The following BICC1 variants were observed in gnomAD, a reference collection of about 807,000 sequenced individuals.
BICC1 encodes the protein protein bicaudal C homolog 1.
BICC1 carries 43 observed loss-of-function variants against 111.0 expected under a neutral mutation model. The observed-to-expected ratio is 0.39, with a 90% confidence interval of 0.30 to 0.50. The LOEUF is 0.50. BICC1 is among the 20% of genes least tolerant of loss of function. BICC1 has a pLI of 0.88. For missense variants in BICC1, 1,091 were observed against 1,203.2 expected, an observed-to-expected ratio of 0.91 and a Z score of 1.38; for synonymous variants, 467 against 434.4, an observed-to-expected ratio of 1.07 and a Z score of -0.93.
intron 1 of BICC1, among the ~76,000 whole-genome samples, chr10:58,526,291 G>A (rs1842540657): frequency 6.6e-6 from 1 of 151,906 alleles, no homozygotes; most frequent in Non-Finnish European, 1.5e-5. Flanking sequence ...TTTCCAATTA[G>A]GGTTGTTGTA....
chr10:58,646,857 G>A (rs991749268), intron 2 of BICC1, among the ~76,000 whole-genome samples: 1 of 152,010 alleles, frequency 6.6e-6, no homozygotes, highest in Non-Finnish European at 1.5e-5. Flanking sequence ...AAATACAACA[G>A]AAGGTATTTC....
chr10:58,789,989 A>G lies in BICC1; in HGVS notation c.1047+56A>G, dbSNP rs936041524. On this transcript the variant is annotated intron_variant, in intron 8 of 20. Transcript: ENST00000373886. ...TTTTAAACCTCTTTGGATTCAGTGCATGTTTTTCCATCCACTGTACTAATG... is the reference window on the plus strand; with the variant it reads ...TTTTAAACCTCTTTGGATTCAGTGCGTGTTTTTCCATCCACTGTACTAATG... The G allele has an allele frequency of 6.4e-6, 10 of 1,571,568 alleles. No individual in the cohort carries two copies. In the African/African-American group the frequency reaches 8.1e-5, roughly 13 times the overall value.
intron 1 of BICC1, among the ~76,000 whole-genome samples, chr10:58,599,164 G>T (rs960419369): frequency 6.6e-6 from 1 of 152,160 alleles, no homozygotes; most frequent in Non-Finnish European, 1.5e-5. Flanking sequence ...ATACCCAGAG[G>T]ATTATAAATC....
Position 58,817,825 on chromosome 10 carries a change from C to T in BICC1, c.2694+103C>T, listed in dbSNP as rs1844142983. 7 of 1,186,044 alleles carry T rather than the reference C, an allele frequency of 5.9e-6. No homozygotes were observed. The South Asian group carries it at 1.1e-4, about 19-fold the overall frequency. 73.5% of individuals were successfully genotyped at this position (1,186,044 alleles called of 1,614,324 possible). On this transcript the variant is annotated intron_variant, in intron 19 of 20. Transcript: ENST00000373886. ...GACCTATGAGTATGCTTTCACTGAG[C>T]ATTTATTCAAGTCTCATAGCTTGTC... is the stretch of plus-strand genomic sequence containing the variant.
intron 18 of BICC1, among the ~76,000 whole-genome samples, chr10:58,817,343 G>A (rs1263004340): frequency 2.0e-5 from 3 of 152,118 alleles, no homozygotes; most frequent in African/African-American, 7.2e-5. Flanking sequence ...TGCCTCCCAA[G>A]TGTAACCTTT....
At chr10:58,726,658 C>T (rs1009609416) in intron 3 of BICC1, among the ~76,000 whole-genome samples, 5 of 152,186 alleles carry the variant, frequency 3.3e-5, no homozygotes, top group Non-Finnish European at 7.3e-5. Flanking sequence ...GCTGTTAGGC[C>T]TCCATCCATC....
chr10:58,767,922 A>C (rs1425753935), intron 3 of BICC1, among the ~76,000 whole-genome samples: 1 of 152,080 alleles, frequency 6.6e-6, no homozygotes, highest in Non-Finnish European at 1.5e-5. Context: ...CTAGTCAGAG[A>C]AGGAAAAAGA....
At chr10:58,610,356 A>G (rs772599704) in intron 1 of BICC1, among the ~76,000 whole-genome samples, 6 of 152,140 alleles carry the variant, frequency 3.9e-5, no homozygotes, top group Non-Finnish European at 7.4e-5. Context: ...AAGATTTTAC[A>G]TGTGAAAAAA....
Position 58,800,947 on chromosome 10 carries a change from A to G in BICC1, c.1916A>G (p.Asn639Ser). The G allele has an allele frequency of 4.3e-6, 7 of 1,610,544 alleles. No homozygotes were observed. Among genetic ancestry groups the G allele is most frequent in the Non-Finnish European group, 5.1e-6 (6 of 1,178,278 alleles). ...GMPRSPSHSG[N>S]AGDLKQMMCP... is the part of the protein sequence containing the mutation. Reference sequence around the variant, plus strand: ...CCTCGAAGTCCTTCCCATTCTGGGAATGCTGGTGACTTGAAACAGATGATG... The same window carrying G: ...CCTCGAAGTCCTTCCCATTCTGGGAGTGCTGGTGACTTGAAACAGATGATG... Residue 639 changes from asparagine (N) to serine (S), a missense_variant, in exon 14 of 21, where the codon AAT becomes AGT. Physicochemically the swap from Asn to Ser is conservative, Grantham distance 46. Around this residue, in one of 3 missense-constraint regions of BICC1, gnomAD observed 843 missense variants for 900.8 expected, o/e 0.94. Coordinates refer to ENST00000373886, the MANE Select transcript of BICC1 (RefSeq NM_001080512.3).
chr10:58,784,765 A>G (rs1842965287), intron 3 of BICC1, among the ~76,000 whole-genome samples: 1 of 152,172 alleles, frequency 6.6e-6, no homozygotes, highest in Non-Finnish European at 1.5e-5. Flanking sequence ...GTAAATTTAA[A>G]TGGTTTAGCC....
At chr10:58,691,855 ATTTAGGACTTAC>A (rs1314844990) in intron 2 of BICC1, among the ~76,000 whole-genome samples, 2 of 152,092 alleles carry the variant, frequency 1.3e-5, no homozygotes, top group African/African-American at 4.8e-5. Flanking sequence ...CCTGCCAGTG[ATTTAGGACTTAC>A]TTTCATCTAA....
intron 3 of BICC1, among the ~76,000 whole-genome samples, chr10:58,753,607 T>A (rs1300218010): frequency 1.3e-5 from 2 of 152,174 alleles, no homozygotes; most frequent in Admixed American, 1.3e-4. Flanking sequence ...TCTCACAGGC[T>A]TATGATGCCA....
At chr10:58,622,331 C>T (rs370782568) in intron 2 of BICC1, among the ~76,000 whole-genome samples, 14 of 152,170 alleles carry the variant, frequency 9.2e-5, no homozygotes, top group Admixed American at 7.9e-4. Context: ...AACAGATGCT[C>T]CACCTTTGTG....
chr10:58,763,019 C>T (rs752127975), intron 3 of BICC1, among the ~76,000 whole-genome samples: 1 of 151,552 alleles, frequency 6.6e-6, no homozygotes, highest in Non-Finnish European at 1.5e-5. Context: ...GTTTTAAGGC[C>T]CTGTGATATA....
chr10:58,820,906 C>A (rs555575653), intron 20 of BICC1, among the ~76,000 whole-genome samples: 2 of 152,256 alleles, frequency 1.3e-5, no homozygotes, highest in Admixed American at 1.3e-4. Context: ...CTGGTTGAAT[C>A]TGGCAGTGTT....
intron 19 of BICC1, among the ~76,000 whole-genome samples, chr10:58,819,681 C>A (rs1844198443): frequency 6.6e-6 from 1 of 152,112 alleles, no homozygotes; most frequent in African/African-American, 2.4e-5. Context: ...GTATTGTCAA[C>A]CCTCTGTGCC....
In BICC1 at chr10:58,793,468, T is replaced by C. The variant is rs1402880004; in HGVS notation, c.1048-16T>C. The C allele has an allele frequency of 1.9e-6, 3 of 1,605,878 alleles. No individual in the cohort carries two copies. The highest frequency in any genetic ancestry group is 1.1e-5 in the South Asian group (1 of 89,938). On this transcript the variant is annotated splice_polypyrimidine_tract_variant and intron_variant, in intron 8 of 20. Coordinates refer to ENST00000373886, the MANE Select transcript of BICC1 (RefSeq NM_001080512.3). ...AAATTTTTACCTCCTACACATTCTA[T>C]TGTGACATTTTCTAGGGTTGTCTTC...
intron 1 of BICC1, among the ~76,000 whole-genome samples, chr10:58,530,684 C>CAAAAAAAAAAAAAAAAAAAAAATAAA (rs67946394): frequency 1.2e-5 from 1 of 86,522 alleles, no homozygotes. Flanking sequence ...ACTTTAAATG[C>CAAAAAAAAAAAAAAAAAAAAAATAAA]AAAAAAAAAA....
At chr10:58,660,826 G>A (rs554399371) in intron 2 of BICC1, among the ~76,000 whole-genome samples, 4 of 152,324 alleles carry the variant, frequency 2.6e-5, no homozygotes, top group African/African-American at 7.2e-5. Flanking sequence ...GCGACTTCAT[G>A]TGCTGCCAAG....
Sources: gnomAD v4.1 joint callset for allele counts (sites outside exome capture counted in the v4.1 genomes callset) on GRCh38, gnomAD v4.1.1 for gene constraint, gnomAD v4.1.1 regional missense constraint, MANE v1.5 for transcripts, NCBI Gene and HGNC (gene_info 2026-07-23, HGNC 2026-07-21) for gene names.